CHGB: variants seen among roughly 807,000 people sequenced by gnomAD.
The protein encoded by CHGB is secretogranin-1.
Under a neutral mutation model 69.9 loss-of-function variants are expected in CHGB, and 46 were observed. That is an observed-to-expected ratio of 0.66 (90% CI 0.52 to 0.84). The LOEUF is 0.84. Ranked by LOEUF, CHGB falls within the 40% of genes least tolerant of loss-of-function variation. The pLI is 0.00. For missense variants in CHGB, 796 were observed against 822.2 expected, an observed-to-expected ratio of 0.97 and a Z score of 0.39; for synonymous variants, 312 against 298.2, an observed-to-expected ratio of 1.05 and a Z score of -0.48.
At chr20:5,915,373 C>T (rs982926245) in intron 1 of CHGB, 2 of 152,094 alleles carry the variant, frequency 1.3e-5, no homozygotes, top group African/African-American at 4.8e-5. Flanking sequence ...TTCTTATAAA[C>T]CAATGGTTAA....
At position 5,922,762 on chromosome 20, in the gene CHGB, A is replaced by C. The variant is rs760530175; in HGVS notation, c.618A>C (p.Ser206=). 11 of 1,614,180 alleles carry C rather than the reference A, an allele frequency of 6.8e-6. 1 individual carries two copies. The South Asian group carries it at 1.2e-4, about 18-fold the overall frequency. Residue 206 remains serine, a synonymous_variant, in exon 4 of 5, where the codon TCA becomes TCC. Transcript: ENST00000378961. ...TTCTCAATGAAAGAAAGCAGGCTTC[A>C]GCTATAAAAAAAGAGGAGTTAGTGG... ...NAFLNERKQA[S]AIKKEELVAR... is the part of the protein sequence containing the mutation.
rs767564962 is a variant in CHGB, at chr20:5,923,975, C to A, written c.1831C>A (p.Leu611Ile). The A allele has an allele frequency of 8.1e-6, 13 of 1,614,074 alleles. No individual in the cohort carries two copies. The South Asian group carries it at 1.4e-4, about 18-fold the overall frequency. ...YDRVAQLDQL[L>I]HYRKKSAEFP... ...CAGGGTGGCCCAACTGGACCAGCTC[C>A]TTCACTACAGGAAGAAGTCAGCTGA... Residue 611 changes from leucine (L) to isoleucine (I), a missense_variant, in exon 4 of 5, where the codon CTT becomes ATT. By Grantham distance (5) the Leu-to-Ile change is conservative. Coordinates refer to ENST00000378961, the MANE Select transcript of CHGB (RefSeq NM_001819.3).
chr20:5,916,196 T>C, intron 1 of CHGB, 130 bp from the exon 2 acceptor site: 1 of 680,138 alleles, frequency 1.5e-6, no homozygotes, highest in Non-Finnish European at 2.6e-6. Context: ...AAATAGCATT[T>C]GTTTCCAAAT....
chr20:5,914,812 G>A (rs2088466361), intron 1 of CHGB: 1 of 152,058 alleles, frequency 6.6e-6, no homozygotes, highest in Non-Finnish European at 1.5e-5. Context: ...CATAACTTTG[G>A]GCTTCTTGAA....
At chr20:5,912,285 G>A (rs1040078386) in intron 1 of CHGB, among the ~76,000 whole-genome samples, 2 of 151,910 alleles carry the variant, frequency 1.3e-5, no homozygotes, top group African/African-American at 4.8e-5. Context: ...CCTCTATTTT[G>A]TATTTCCATC....
chr20:5,924,211 G>A, intron 4 of CHGB, 111 bp downstream of exon 4: 1 of 1,417,334 alleles, frequency 7.1e-7, no homozygotes, highest in Non-Finnish European at 9.3e-7. Flanking sequence ...TAATCACTAT[G>A]AAAATGGTGC....
chr20:5,916,120 G>C (rs2088473969), intron 1 of CHGB: 2 of 585,786 alleles, frequency 3.4e-6, no homozygotes. Flanking sequence ...TAAAAAATGG[G>C]ACATTTCTGG....
chr20:5,923,382 C>T lies in CHGB; in HGVS notation c.1238C>T (p.Pro413Leu), dbSNP rs742710. ...EESEEERGLE[P>L]GKGRHHRGRG... Reference sequence around the variant, plus strand: ...AGTGAGGAAGAGAGGGGCCTTGAGCCGGGAAAGGGACGCCATCACAGAGGC... The same window carrying T: ...AGTGAGGAAGAGAGGGGCCTTGAGCTGGGAAAGGGACGCCATCACAGAGGC... The change falls in exon 4 of 5, where the codon CCG becomes CTG. Residue 413 changes from proline (P) to leucine (L), a missense_variant. Physicochemically the swap from Pro to Leu is moderately conservative, Grantham distance 98. Transcript: ENST00000378961. 0.065 allele frequency: 105,324 copies of T among 1,613,708 alleles called. 7,003 individuals carry two copies. The highest frequency in any genetic ancestry group is 0.25 in the African/African-American group (18,457 of 74,910).
In CHGB at chr20:5,922,438, C is replaced by T; in HGVS notation, c.294C>T (p.Ser98=). Reference sequence around the variant, plus strand: ...CTGATGCCTCGGAAGCCCACGAGTCCTCCAGCAGGGGAGAGGCAGGAGCCC... The same window carrying T: ...CTGATGCCTCGGAAGCCCACGAGTCTTCCAGCAGGGGAGAGGCAGGAGCCC... ...DPADASEAHE[S]SSRGEAGAPG... is the part of the protein sequence containing the mutation. The change falls in exon 4 of 5, where the codon TCC becomes TCT. Residue 98 remains serine, a synonymous_variant. Coordinates refer to ENST00000378961, the MANE Select transcript of CHGB (RefSeq NM_001819.3). 6.2e-7 allele frequency: 1 copy of T among 1,612,906 alleles called. No homozygotes were observed. The highest frequency in any genetic ancestry group is 1.1e-5 in the South Asian group (1 of 91,062).
intron 2 of CHGB, 39 bp from the exon 3 acceptor site, chr20:5,916,787 A>G (rs1346355042): frequency 3.8e-6 from 6 of 1,591,586 alleles, no homozygotes; most frequent in Non-Finnish European, 5.2e-6. Flanking sequence ...TCATCCAGTG[A>G]TACCAGCTTC....
At chr20:5,913,628 C>CTTTTTTTTTTTTTT (rs918275521) in intron 1 of CHGB, among the ~76,000 whole-genome samples, 6 of 90,472 alleles carry the variant, frequency 6.6e-5, no homozygotes, top group Admixed American at 1.1e-4. Context: ...CTTTTCTTTT[C>CTTTTTTTTTTTTTT]TTTTTTTTTT....
rs1555781549 is a variant in CHGB, at chr20:5,918,163, A to ACAAAACAAAAC, written c.190+1244_190+1245insCAAAACAAAAC. Among the ~76,000 whole-genome samples the ACAAAACAAAAC allele has an allele frequency of 3.7e-3, 552 of 147,734 alleles. 5 individuals are homozygous for ACAAAACAAAAC. Among genetic ancestry groups the ACAAAACAAAAC allele is most frequent in the African/African-American group, 0.013 (515 of 38,772 alleles). ...AGACTCCATCTAAAAAAAAAAAAAA[A>ACAAAACAAAAC]AAAAAAAACTCTCATTGCCACCAGC... is the stretch of plus-strand genomic sequence containing the variant. On this transcript the variant is annotated intron_variant, in intron 3 of 4. Transcript: ENST00000378961.
At position 5,922,228 on chromosome 20, in the gene CHGB, T is replaced by A. The variant is rs2088517982; in HGVS notation, c.191-107T>A. ...TATTCTTCATTAACTTAAATAATTA[T>A]CCAAGCAATTTTCAGTGTCATCAGG... On this transcript the variant is annotated intron_variant, in intron 3 of 4. Coordinates refer to ENST00000378961, the MANE Select transcript of CHGB (RefSeq NM_001819.3). 2.2e-6 allele frequency: 3 copies of A among 1,365,748 alleles called. No homozygotes were observed. In the South Asian group the frequency reaches 6.0e-5, roughly 27 times the overall value. 84.6% of individuals were successfully genotyped at this position (1,365,748 alleles called of 1,614,324 possible).
intron 3 of CHGB, among the ~76,000 whole-genome samples, chr20:5,922,079 G>A (rs921802538): frequency 6.6e-6 from 1 of 152,082 alleles, no homozygotes; most frequent in Non-Finnish European, 1.5e-5. Flanking sequence ...TTTGATCATT[G>A]GTAGTACCAA....
chr20:5,924,189 A>C, intron 4 of CHGB, 89 bp downstream of exon 4: 1 of 1,445,276 alleles, frequency 6.9e-7, no homozygotes, highest in Non-Finnish European at 9.1e-7. Context: ...ACGGGGAGAA[A>C]TTGGTGGGAA....
intron 4 of CHGB, among the ~76,000 whole-genome samples, chr20:5,924,468 G>A (rs910739661): frequency 6.6e-6 from 1 of 152,196 alleles, no homozygotes; most frequent in Non-Finnish European, 1.5e-5. Flanking sequence ...GTTAACAACT[G>A]CTGTTCTGGT....
chr20:5,914,919 T>C (rs140050149), intron 1 of CHGB, among the ~76,000 whole-genome samples: 4 of 152,198 alleles, frequency 2.6e-5, no homozygotes, highest in Non-Finnish European at 5.9e-5. Flanking sequence ...CCCCATGATA[T>C]GTAATTGATA....
chr20:5,911,611 C>A lies in CHGB; in HGVS notation c.-23C>A. ...GGTCCAGCCGCCATCTTCCTTTCCGCACAGGGGCCGCCGAGCGGGGCCATG... is the reference window on the plus strand; with the variant it reads ...GGTCCAGCCGCCATCTTCCTTTCCGAACAGGGGCCGCCGAGCGGGGCCATG... On this transcript the variant is annotated 5_prime_UTR_variant, in exon 1 of 5. Transcript: ENST00000378961. 6.6e-7 allele frequency: 1 copy of A among 1,518,898 alleles called. No homozygotes were observed. The highest frequency in any genetic ancestry group is 1.4e-5 in the African/African-American group (1 of 69,608). 94.1% of individuals were successfully genotyped at this position (1,518,898 alleles called of 1,614,324 possible).
At chr20:5,921,991 T>A (rs2088516469) in intron 3 of CHGB, among the ~76,000 whole-genome samples, 1 of 152,330 alleles carries the variant, frequency 6.6e-6, no homozygotes, top group South Asian at 2.1e-4. Context: ...AAGAAGAGGT[T>A]GGACTGGATT....
Sources: allele counts gnomAD v4.1 joint callset (sites outside exome capture counted in the v4.1 genomes callset), GRCh38; gene constraint gnomAD v4.1.1; transcripts MANE v1.5; gene names NCBI Gene and HGNC (gene_info 2026-07-23, HGNC 2026-07-21).